Variants in POLR3A observed in about 807,000 individuals in gnomAD.
The protein encoded by POLR3A is DNA-directed RNA polymerase III subunit RPC1.
Under a neutral mutation model 152.8 loss-of-function variants are expected in POLR3A, and 112 were observed. The observed-to-expected ratio is 0.73, with a 90% confidence interval of 0.63 to 0.86. The LOEUF is 0.86. Among genes scored for constraint, POLR3A ranks in the 40% least tolerant of loss-of-function variants. The pLI is 0.00. For synonymous variants in POLR3A, 615 were observed against 652.1 expected, an observed-to-expected ratio of 0.94 and a Z score of 0.87; for missense variants, 1,385 against 1,743.1, an observed-to-expected ratio of 0.79 and a Z score of 3.66.
At chr10:78,000,184 A>G (rs184904205) in intron 18 of POLR3A, 66 bp from the exon 19 acceptor site, 995 of 1,459,276 alleles carry the variant, frequency 6.8e-4, no homozygotes, top group Non-Finnish European at 8.7e-4. Context: ...TCTGAAATCC[A>G]CTCAAATCAG....
Position 77,980,083 on chromosome 10 carries a change from TG to T in POLR3A, c.4024+57del. ...TTTCATTCCCTTGGAAGCCTAGCCATGGTCTATTTGTAAATAGTAAAGGCCT... is the reference window on the plus strand; with the variant it reads ...TTTCATTCCCTTGGAAGCCTAGCCATGTCTATTTGTAAATAGTAAAGGCCT... On this transcript the variant is annotated intron_variant, in intron 30 of 30. Coordinates refer to ENST00000372371, the MANE Select transcript of POLR3A (RefSeq NM_007055.4). 4.0e-6 allele frequency: 6 copies of T among 1,513,844 alleles called. 1 individual carries two copies. The South Asian group carries it at 5.6e-5, about 14-fold the overall frequency. 93.8% of individuals were successfully genotyped at this position (1,513,844 alleles called of 1,614,324 possible). A position where few individuals can be genotyped will look rare whatever the true frequency, so the allele number is the denominator to read the frequency against.
chr10:77,984,189 A>G lies in POLR3A; in HGVS notation c.3336+16T>C. ...CTGAGCTAGTTTTCTTGTTATCAAT[A>G]GGGATTTCTTCTTACCTCTCCCAAG... On this transcript the variant is annotated intron_variant, in intron 25 of 30. Transcript: ENST00000372371. 2 of 1,526,834 alleles carry G rather than the reference A, an allele frequency of 1.3e-6. No individual in the cohort carries two copies. Among genetic ancestry groups the G allele is most frequent in the Non-Finnish European group, 1.8e-6 (2 of 1,100,726 alleles). The allele number at this position is 1,526,834 out of a possible 1,614,324, so 94.6% of individuals were successfully genotyped here. A position where few individuals can be genotyped will look rare whatever the true frequency, so the allele number is the denominator to read the frequency against.
At chr10:77,979,763 C>T (rs61543500) in intron 30 of POLR3A, among the ~76,000 whole-genome samples, 25 of 152,336 alleles carry the variant, frequency 1.6e-4, no homozygotes, top group Admixed American at 1.2e-3. Context: ...GGACACTCTG[C>T]TCTGCCCAGC....
intron 28 of POLR3A, among the ~76,000 whole-genome samples, chr10:77,981,899 C>A (rs1168685991): frequency 4.9e-5 from 7 of 143,938 alleles, no homozygotes; most frequent in Non-Finnish European, 1.1e-4. Flanking sequence ...ATTAGCCGGG[C>A]GTGGTGGTGG....
intron 26 of POLR3A, among the ~76,000 whole-genome samples, chr10:77,983,319 C>T (rs1847166807): frequency 6.6e-6 from 1 of 152,200 alleles, no homozygotes; most frequent in African/African-American, 2.4e-5. Context: ...ATATGGGTAA[C>T]ATATGAACTT....
At position 77,977,330 on chromosome 10, in the gene POLR3A, G is replaced by A. The variant is rs891055829; in HGVS notation, c.*148C>T. ...GCTGCACCCTATCAGAGGAGAAGCT[G>A]CTCCTGGGGATGCCAAGAGGGCTTC... is the stretch of plus-strand genomic sequence containing the variant. On this transcript the variant is annotated 3_prime_UTR_variant, in exon 31 of 31. Transcript: ENST00000372371. 3.7e-6 allele frequency: 3 copies of A among 805,528 alleles called. No homozygotes were observed. The highest frequency in any genetic ancestry group is 6.6e-6 in the Non-Finnish European group (3 of 456,536). The allele number at this position is 805,528 out of a possible 1,614,324, so 49.9% of individuals were successfully genotyped here. A position where few individuals can be genotyped will look rare whatever the true frequency, so the allele number is the denominator to read the frequency against.
intron 22 of POLR3A, 35 bp downstream of exon 22, chr10:77,986,038 G>A (rs773764426): frequency 1.3e-6 from 2 of 1,588,904 alleles, no homozygotes; most frequent in Non-Finnish European, 1.7e-6. Flanking sequence ...ACTACAAACA[G>A]CTCGGGGTTC....
intron 17 of POLR3A, 49 bp downstream of exon 17, chr10:78,002,148 G>A (rs1847363165): frequency 1.8e-6 from 2 of 1,139,142 alleles, no homozygotes; most frequent in Admixed American, 4.1e-5. Flanking sequence ...GAGCCAAACA[G>A]CCTGTACGGA....
intron 30 of POLR3A, among the ~76,000 whole-genome samples, chr10:77,979,469 G>T (rs1014366362): frequency 1.3e-5 from 2 of 152,228 alleles, no homozygotes; most frequent in Non-Finnish European, 2.9e-5. Flanking sequence ...CTGGTCTCAC[G>T]GAAGAGGCAG....
chr10:78,012,723 T>C (rs1306697115), intron 11 of POLR3A, among the ~76,000 whole-genome samples: 1 of 152,050 alleles, frequency 6.6e-6, no homozygotes, highest in South Asian at 2.1e-4. Flanking sequence ...CAACAGGTTT[T>C]TTTTTTTTCT....
rs1202896119 is a variant in POLR3A, at chr10:77,985,322, A to C, written c.3090T>G (p.Gly1030=). 2 of 1,613,968 alleles carry C rather than the reference A, an allele frequency of 1.2e-6. No individual in the cohort carries two copies. The highest frequency in any genetic ancestry group is 2.7e-5 in the African/African-American group (2 of 74,932). Residue 1030 remains glycine (G), a synonymous_variant, in exon 24 of 31, where the codon GGT becomes GGG. Transcript: ENST00000372371. ...GGGCACACAGAGCACCCACTGCAGAACCTGGCTCCATCTGTGCCCTAGAAG... is the reference window on the plus strand; with the variant it reads ...GGGCACACAGAGCACCCACTGCAGACCCTGGCTCCATCTGTGCCCTAGAAG... The part of the protein sequence containing the change: ...DKYMRAQMEP[G]SAVGALCAQS...
intron 1 of POLR3A, 135 bp downstream of exon 1, chr10:78,029,229 G>A (rs1839200044): frequency 3.4e-6 from 3 of 876,874 alleles, no homozygotes; most frequent in African/African-American, 3.3e-5. Flanking sequence ...AGTTCTGGGC[G>A]CTGGTCACAC....
chr10:77,995,332 G>A (rs1299038799), intron 19 of POLR3A, among the ~76,000 whole-genome samples: 2 of 152,268 alleles, frequency 1.3e-5, no homozygotes, highest in East Asian at 1.9e-4. Flanking sequence ...AATGTAAATG[G>A]GCTAAATGCT....
intron 23 of POLR3A, among the ~76,000 whole-genome samples, chr10:77,985,676 T>A (rs1404381999): frequency 6.6e-6 from 1 of 152,254 alleles, no homozygotes; most frequent in East Asian, 1.9e-4. Flanking sequence ...GTTAGCAGTT[T>A]CCCCATGGGG....
Position 78,007,686 on chromosome 10 carries a change from A to G in POLR3A, c.2074+16T>C. 6.2e-7 allele frequency: 1 copy of G among 1,610,764 alleles called. No homozygotes were observed. Among genetic ancestry groups the G allele is most frequent in the Non-Finnish European group, 8.5e-7 (1 of 1,176,916 alleles). On this transcript the variant is annotated intron_variant, in intron 15 of 30. Coordinates refer to ENST00000372371, the MANE Select transcript of POLR3A (RefSeq NM_007055.4). ...AATTGCAGCTTTAACTAAAAGAAGGATGCTGAGATACTTACACAGGTAGAC... is the reference window on the plus strand; with the variant it reads ...AATTGCAGCTTTAACTAAAAGAAGGGTGCTGAGATACTTACACAGGTAGAC...
chr10:78,010,664 A>C, intron 11 of POLR3A, 124 bp from the exon 12 acceptor site: 2 of 752,256 alleles, frequency 2.7e-6, no homozygotes, highest in South Asian at 2.9e-5. Context: ...CGAGGCTGAG[A>C]AATGAAAGCC....
chr10:78,004,992 T>C lies in POLR3A; in HGVS notation c.2075-104A>G, dbSNP rs1416128047. 6 of 856,604 alleles carry C rather than the reference T, an allele frequency of 7.0e-6. 1 individual carries two copies. Among genetic ancestry groups the C allele is most frequent in the South Asian group, 2.8e-5 (2 of 72,416 alleles). 53.1% of individuals were successfully genotyped at this position (856,604 alleles called of 1,614,324 possible). Reference sequence around the variant, plus strand: ...GATATAGTTTGTACTATATATAAACTATGTATGTATAGTTTAAAGTATAAA... The same window carrying C: ...GATATAGTTTGTACTATATATAAACCATGTATGTATAGTTTAAAGTATAAA... On this transcript the variant is annotated intron_variant, in intron 15 of 30. Transcript: ENST00000372371.
chr10:77,999,916 A>G, intron 19 of POLR3A, 65 bp downstream of exon 19: 1 of 1,511,606 alleles, frequency 6.6e-7, no homozygotes, highest in Non-Finnish European at 9.2e-7. Flanking sequence ...ACGTGTACTC[A>G]ATAGTCAAAA....
At chr10:78,017,980 AC>A (rs1167559717) in intron 9 of POLR3A, among the ~76,000 whole-genome samples, 1 of 151,414 alleles carries the variant, frequency 6.6e-6, no homozygotes, top group African/African-American at 2.4e-5. Context: ...TTGAGAACAG[AC>A]TGGGCAACAT....
Sources: gnomAD v4.1 joint callset for allele counts (sites outside exome capture counted in the v4.1 genomes callset) on GRCh38, gnomAD v4.1.1 for gene constraint, MANE v1.5 for transcripts, NCBI Gene and HGNC (gene_info 2026-07-23, HGNC 2026-07-21) for gene names.